MALRD1: variants seen among roughly 807,000 people sequenced by gnomAD.
MALRD1 encodes MAM and LDL-receptor class A domain-containing protein 1.
MALRD1 carries 247 observed loss-of-function variants against 242.1 expected under a neutral mutation model. The observed-to-expected ratio is 1.02, with a 90% CI of 0.92 to 1.13. MALRD1 has a LOEUF of 1.13. Among genes scored for constraint, MALRD1 ranks in the 50% most tolerant of loss-of-function variants. The pLI, the probability that MALRD1 is intolerant of heterozygous loss-of-function variation, is 0.00. For missense variants in MALRD1, 2,989 were observed against 2,533.1 expected, an observed-to-expected ratio of 1.18 and a Z score of -3.86; for synonymous variants, 995 against 866.6, an observed-to-expected ratio of 1.15 and a Z score of -2.60.
intron 28 of MALRD1, among the ~76,000 whole-genome samples, chr10:19,438,906 GC>G (rs1834478010): frequency 6.6e-6 from 1 of 152,078 alleles, no homozygotes; most frequent in African/African-American, 2.4e-5. Context: ...TGAACTCATT[GC>G]CTGCAGCATG....
intron 5 of MALRD1, among the ~76,000 whole-genome samples, chr10:19,115,110 A>G (rs879781991): frequency 2.6e-5 from 4 of 152,232 alleles, no homozygotes; most frequent in Non-Finnish European, 5.9e-5. Context: ...CCAGACAACT[A>G]GAAACAGCTT....
intron 14 of MALRD1, among the ~76,000 whole-genome samples, chr10:19,189,947 G>A (rs916481052): frequency 1.8e-4 from 28 of 152,108 alleles, no homozygotes; most frequent in African/African-American, 6.5e-4. Context: ...ACTTCTATTC[G>A]TAGTACTAGC....
At chr10:19,573,535 C>A (rs745416369) in intron 33 of MALRD1, among the ~76,000 whole-genome samples, 16 of 152,180 alleles carry the variant, frequency 1.1e-4, no homozygotes, top group Non-Finnish European at 1.9e-4. Context: ...CATTTTCTTT[C>A]TCTTCCCAGA....
At position 19,450,358 on chromosome 10, in the gene MALRD1, A is replaced by C; in HGVS notation, c.4897A>C (p.Asn1633His). ...GCAAGAAAGTAAGCAGAACCCTGGT[A>C]ATCATTGGCAAAAGGCTGACATCCT... ...VWQESKQNPG[N>H]HWQKADILLG... The change falls in exon 29 of 40, where the codon AAT becomes CAT. Residue 1633 changes from asparagine (N) to histidine (H), a missense_variant. Transcript: ENST00000454679. The C allele has an allele frequency of 6.5e-7, 1 of 1,549,760 alleles. No homozygotes were observed. The highest frequency in any genetic ancestry group is 8.7e-7 in the Non-Finnish European group (1 of 1,146,938).
At chr10:19,052,806 C>T (rs1834548698) in intron 1 of MALRD1, among the ~76,000 whole-genome samples, 2 of 152,168 alleles carry the variant, frequency 1.3e-5, no homozygotes, top group Admixed American at 1.3e-4. Context: ...GTTGTAACCC[C>T]TCTACTCCCC....
chr10:19,385,343 A>C lies in MALRD1; in HGVS notation c.4442-2185A>C, dbSNP rs114473254. 4.1e-3 allele frequency among the ~76,000 whole-genome samples: 617 copies of C among 152,204 alleles called. 4 individuals carry two copies. The highest frequency in any genetic ancestry group is 0.014 in the African/African-American group (598 of 41,562). The stretch of plus-strand genomic sequence containing the variant: ...AATGGCAATTCTTCTCTGAATATTT[A>C]GTAGAATTCACCCTTGAAGCCATCT... On this transcript the variant is annotated intron_variant, in intron 26 of 39. Coordinates refer to ENST00000454679, the MANE Select transcript of MALRD1 (RefSeq NM_001142308.3).
rs185473173 is a variant in MALRD1, at chr10:19,576,799, C to T, written c.5680+9096C>T. On this transcript the variant is annotated intron_variant, in intron 33 of 39. Transcript: ENST00000454679. Reference sequence around the variant, plus strand: ...TCAGGGGCAGAGCGAAAGCTGCTTTCTTCATGAATTTATCCTTAATCCTCC... The same window carrying T: ...TCAGGGGCAGAGCGAAAGCTGCTTTTTTCATGAATTTATCCTTAATCCTCC... Among the ~76,000 whole-genome samples, 375 of 152,264 alleles carry T rather than the reference C, an allele frequency of 2.5e-3. 1 individual carries two copies. Among genetic ancestry groups the T allele is most frequent in the Non-Finnish European group, 4.4e-3 (300 of 68,018 alleles).
At chr10:19,352,952 C>T (rs1181766556) in intron 26 of MALRD1, among the ~76,000 whole-genome samples, 3 of 152,042 alleles carry the variant, frequency 2.0e-5, no homozygotes, top group East Asian at 1.9e-4. Flanking sequence ...ATATTATTAA[C>T]GAGACAAAGG....
chr10:19,498,683 C>T, intron 31 of MALRD1, 37 bp downstream of exon 31: 1 of 1,530,164 alleles, frequency 6.5e-7, no homozygotes, highest in Non-Finnish European at 8.8e-7. Context: ...AAGAAACCCA[C>T]TCATCTTAAA....
Position 19,530,418 on chromosome 10 carries a change from A to ATAT in MALRD1, c.5321-776_5321-775insTAT, listed in dbSNP as rs1200557957. Among the ~76,000 whole-genome samples, 37 of 83,728 alleles carry ATAT rather than the reference A, an allele frequency of 4.4e-4. 3 individuals carry two copies. In the East Asian group the frequency reaches 7.6e-3, roughly 17 times the overall value. The allele number at this position is 83,728 out of a possible 152,430, so 54.9% of individuals were successfully genotyped here. ...TATAAATATTATATATTTATATAAT[A>ATAT]ATAAATATATAATATATATAATATA... On this transcript the variant is annotated intron_variant, in intron 31 of 39. Transcript: ENST00000454679.
intron 18 of MALRD1, among the ~76,000 whole-genome samples, chr10:19,228,459 C>G (rs1837893258): frequency 6.6e-6 from 1 of 152,168 alleles, no homozygotes; most frequent in Admixed American, 6.5e-5. Context: ...GTATCTTGAT[C>G]ATGATTGTGG....
At chr10:19,295,535 A>C (rs1366110774) in intron 21 of MALRD1, among the ~76,000 whole-genome samples, 1 of 151,820 alleles carries the variant, frequency 6.6e-6, no homozygotes, top group Admixed American at 6.6e-5. Context: ...AGAAGATAAT[A>C]GATGTTTATT....
intron 18 of MALRD1, among the ~76,000 whole-genome samples, chr10:19,216,592 ATAGTT>A (rs1446535659): frequency 6.6e-6 from 1 of 152,126 alleles, no homozygotes; most frequent in African/African-American, 2.4e-5. Flanking sequence ...CATAACAATA[ATAGTT>A]TAAATACAAA....
At chr10:19,699,911 A>T (rs1300989006) in intron 38 of MALRD1, among the ~76,000 whole-genome samples, 1 of 152,066 alleles carries the variant, frequency 6.6e-6, no homozygotes, top group Non-Finnish European at 1.5e-5. Flanking sequence ...AACACTGGGG[A>T]TTACAATTCA....
intron 18 of MALRD1, among the ~76,000 whole-genome samples, chr10:19,213,250 G>T (rs891659417): frequency 2.6e-5 from 4 of 152,098 alleles, no homozygotes; most frequent in African/African-American, 9.7e-5. Context: ...GAAATTTACT[G>T]TCTACTATTG....
At chr10:19,538,832 T>C (rs2131370307) in intron 32 of MALRD1, among the ~76,000 whole-genome samples, 2 of 152,106 alleles carry the variant, frequency 1.3e-5, no homozygotes, top group East Asian at 1.9e-4. Context: ...TGATCACAGA[T>C]AAGTTTATAT....
intron 23 of MALRD1, among the ~76,000 whole-genome samples, chr10:19,331,079 T>C (rs1385603780): frequency 6.6e-6 from 1 of 152,134 alleles, no homozygotes; most frequent in Non-Finnish European, 1.5e-5. Flanking sequence ...GCAAAGGCAG[T>C]AGTGGATTGG....
At chr10:19,491,366 G>A in intron 29 of MALRD1, 151 bp from the exon 30 acceptor site, 1 of 911,466 alleles carries the variant, frequency 1.1e-6, no homozygotes, top group Non-Finnish European at 1.7e-6. Flanking sequence ...GTGGGACTGA[G>A]AAAGAGGAAG....
At position 19,658,097 on chromosome 10, in the gene MALRD1, G is replaced by A. The variant is rs527681546; in HGVS notation, c.6138-34185G>A. Among the ~76,000 whole-genome samples, 13 of 152,000 alleles carry A rather than the reference G, an allele frequency of 8.6e-5. No individual in the cohort carries two copies. In the South Asian group the frequency reaches 2.1e-3, roughly 24 times the overall value. On this transcript the variant is annotated intron_variant, in intron 36 of 39. Transcript: ENST00000454679. ...CAGGAGGCAGAGGTTGCTGTGAGCC[G>A]AGATCATGCCATTGCACTCCAGCCT...
Sources: allele counts gnomAD v4.1 joint callset (sites outside exome capture counted in the v4.1 genomes callset), GRCh38; gene constraint gnomAD v4.1.1; transcripts MANE v1.5; gene names NCBI Gene and HGNC (gene_info 2026-07-23, HGNC 2026-07-21).